DISP1: variants seen among roughly 807,000 people sequenced by gnomAD.
DISP1 encodes dispatched RND transporter family member 1.
DISP1 carries 30 observed loss-of-function variants against 37.3 expected under a neutral mutation model. The observed-to-expected ratio is 0.80, with a 90% CI of 0.60 to 1.09. The LOEUF (loss-of-function observed/expected upper bound fraction) is 1.09. DISP1 is among the 50% of genes least tolerant of loss of function. The pLI is 0.00. For synonymous variants in DISP1, 634 were observed against 690.2 expected, an observed-to-expected ratio of 0.92 and a Z score of 1.28; for missense variants, 1,598 against 1,879.5, an observed-to-expected ratio of 0.85 and a Z score of 2.77.
chr1:222,936,767 A>ATTATATATCATATATATGATATATATAAT (rs1491451727), intron 2 of DISP1, among the ~76,000 whole-genome samples: 5 of 76,656 alleles, frequency 6.5e-5, no homozygotes, highest in Non-Finnish European at 9.6e-5. Flanking sequence ...ATATATAAAA[A>ATTATATATCATATATATGATATATATAAT]TTATATATAT....
At chr1:222,885,023 G>A (rs907462233) in intron 1 of DISP1, among the ~76,000 whole-genome samples, 10 of 152,092 alleles carry the variant, frequency 6.6e-5, no homozygotes, top group Non-Finnish European at 1.5e-4. Context: ...TGTGTGTTTA[G>A]TAGAGACGGG....
chr1:222,872,046 C>T (rs1328921102), intron 1 of DISP1, among the ~76,000 whole-genome samples: 2 of 152,058 alleles, frequency 1.3e-5, no homozygotes, highest in Non-Finnish European at 2.9e-5. Context: ...TTGAGATAAT[C>T]ATGTGGTTTT....
At chr1:222,870,381 G>A (rs1669472870) in intron 1 of DISP1, among the ~76,000 whole-genome samples, 1 of 152,184 alleles carries the variant, frequency 6.6e-6, no homozygotes. Flanking sequence ...TTCCACAATG[G>A]TTGAACTAGT....
chr1:222,913,077 A>C (rs1672298065), intron 1 of DISP1, among the ~76,000 whole-genome samples: 2 of 152,210 alleles, frequency 1.3e-5, no homozygotes, highest in South Asian at 4.1e-4. Context: ...ATTAGACTTT[A>C]AAGTTTTGGA....
intron 4 of DISP1, among the ~76,000 whole-genome samples, chr1:222,989,719 C>G (rs1019847209): frequency 2.0e-5 from 3 of 152,092 alleles, no homozygotes; most frequent in Non-Finnish European, 4.4e-5. Context: ...AATTTCTGCT[C>G]TCATGGAACT....
chr1:222,975,111 G>A (rs560012700), intron 3 of DISP1, among the ~76,000 whole-genome samples: 1 of 152,160 alleles, frequency 6.6e-6, no homozygotes, highest in South Asian at 2.1e-4. Context: ...CAGCAGCACT[G>A]ACCTCCTGGG....
chr1:222,861,135 T>G (rs1214031500), intron 1 of DISP1, among the ~76,000 whole-genome samples: 1 of 152,142 alleles, frequency 6.6e-6, no homozygotes, highest in Non-Finnish European at 1.5e-5. Context: ...TTTTCTCTAT[T>G]TCCTTTGCCG....
intron 3 of DISP1, among the ~76,000 whole-genome samples, chr1:222,977,397 G>A (rs1677439828): frequency 7.3e-6 from 1 of 137,498 alleles, no homozygotes; most frequent in South Asian, 2.3e-4. Flanking sequence ...TATTTGTTAA[G>A]GACTTAGTTG....
At chr1:222,857,534 A>G (rs928463937) in intron 1 of DISP1, among the ~76,000 whole-genome samples, 18 of 152,168 alleles carry the variant, frequency 1.2e-4, no homozygotes, top group African/African-American at 4.1e-4. Context: ...AGAAAACCCC[A>G]TTGTCTCAGC....
At chr1:222,939,802 C>T (rs1674243776) in intron 2 of DISP1, among the ~76,000 whole-genome samples, 1 of 150,700 alleles carries the variant, frequency 6.6e-6, no homozygotes. Context: ...CACTTCACTA[C>T]ACCCTGGGCA....
intron 4 of DISP1, among the ~76,000 whole-genome samples, chr1:222,984,435 T>TATAGAGAGAGAGAGAG (rs67660273): frequency 9.2e-6 from 1 of 108,398 alleles, no homozygotes; most frequent in East Asian, 2.6e-4. Context: ...TATATATATA[T>TATAGAGAGAGAGAGAG]AGAGAGAGAG....
intron 1 of DISP1, among the ~76,000 whole-genome samples, chr1:222,890,248 G>A (rs1333802722): frequency 6.6e-6 from 1 of 152,090 alleles, no homozygotes; most frequent in Non-Finnish European, 1.5e-5. Context: ...GATAATTGTT[G>A]AACACCAACT....
chr1:222,910,463 AAAAG>A (rs1421972213), intron 1 of DISP1, among the ~76,000 whole-genome samples: 1 of 152,216 alleles, frequency 6.6e-6, no homozygotes, highest in Non-Finnish European at 1.5e-5. Flanking sequence ...TAACCTTTCT[AAAAG>A]AAATACTAAA....
chr1:222,939,542 G>T (rs1261071924), intron 2 of DISP1, among the ~76,000 whole-genome samples: 1 of 151,878 alleles, frequency 6.6e-6, no homozygotes, highest in Non-Finnish European at 1.5e-5. Context: ...AAATACCTGG[G>T]CTGGGCACAG....
At chr1:222,908,794 C>T (rs17163550) in intron 1 of DISP1, among the ~76,000 whole-genome samples, 43,039 of 151,742 alleles carry the variant, frequency 0.28, 6,434 homozygotes, top group South Asian at 0.45. Context: ...GAAGCCTTTT[C>T]CAGAAGCAAA....
chr1:222,943,611 C>A, intron 3 of DISP1: 1 of 499,478 alleles, frequency 2.0e-6, no homozygotes, highest in African/African-American at 1.9e-5. Flanking sequence ...TAAAATTCAA[C>A]AAAAAGTTTT....
At chr1:222,837,975 G>A (rs567430421) in intron 1 of DISP1, among the ~76,000 whole-genome samples, 16 of 152,028 alleles carry the variant, frequency 1.1e-4, no homozygotes, top group Non-Finnish European at 2.4e-4. Flanking sequence ...ATCCCTGCAT[G>A]GTTATCCCCA....
intron 3 of DISP1, among the ~76,000 whole-genome samples, chr1:222,950,958 G>A (rs886305409): frequency 1.3e-5 from 2 of 152,128 alleles, no homozygotes; most frequent in East Asian, 1.9e-4. Flanking sequence ...TGTAACAGAG[G>A]ACTCCATAAA....
intron 1 of DISP1, among the ~76,000 whole-genome samples, chr1:222,878,822 TCTTAAAAAGATCTTTAAGGGAG>T (rs1198166006): frequency 6.6e-6 from 1 of 152,182 alleles, no homozygotes; most frequent in Non-Finnish European, 1.5e-5. Flanking sequence ...TCATTTTAAT[TCTTAAAAAGATCTTTAAGGGAG>T]CTTAAAAAGA....
Sources: gnomAD v4.1 joint callset for allele counts (sites outside exome capture counted in the v4.1 genomes callset) on GRCh38, gnomAD v4.1.1 for gene constraint, MANE v1.5 for transcripts, NCBI Gene and HGNC (gene_info 2026-07-23, HGNC 2026-07-21) for gene names.